Variants in CMIP observed in about 807,000 individuals in gnomAD.
The protein encoded by CMIP is c-Maf inducing protein, also known as C-Maf-inducing protein.
In CMIP, 13 loss-of-function variants were observed where a neutral mutation model predicts 97.3. The ratio of observed to expected loss-of-function variants is 0.13; its 90% CI spans 0.09 to 0.21. The LOEUF (loss-of-function observed/expected upper bound fraction) is 0.21, where lower values mean the gene tolerates loss of function less well. Ranked by LOEUF, CMIP falls within the 10% of genes least tolerant of loss-of-function variation. CMIP has a pLI of 1.00. For synonymous variants in CMIP, 538 were observed against 436.3 expected (o/e 1.23, Z -2.91); for missense variants, 847 against 1,024.9 (o/e 0.83, Z 2.37).
intron 3 of CMIP, among the ~76,000 whole-genome samples, chr16:81,651,593 G>T (rs1055424501): frequency 4.6e-5 from 7 of 152,178 alleles, no homozygotes; most frequent in Admixed American, 4.6e-4. Context: ...CGACCTCTTG[G>T]GATTGACATA....
At position 81,459,393 on chromosome 16, in the gene CMIP, C is replaced by T. The variant is rs561589443; in HGVS notation, c.300+13852C>T. Among the ~76,000 whole-genome samples, 33 of 152,204 alleles carry T rather than the reference C, an allele frequency of 2.2e-4. No individual in the cohort carries two copies. In the South Asian group the frequency reaches 6.2e-3, roughly 29 times the overall value. On this transcript the variant is annotated intron_variant, in intron 1 of 20. Coordinates refer to ENST00000537098, the MANE Select transcript of CMIP (RefSeq NM_198390.3). The stretch of plus-strand genomic sequence containing the variant: ...GTGACCCCGTGCCGTGACCCTGCTC[C>T]GTGACCTCGCTCCGTGACCTCAGGC...
chr16:81,457,175 C>T (rs1381035937), intron 1 of CMIP, among the ~76,000 whole-genome samples: 1 of 142,412 alleles, frequency 7.0e-6, no homozygotes, highest in Non-Finnish European at 1.5e-5. Flanking sequence ...ACCCCTCCGA[C>T]CCCCCCGCCA....
intron 2 of CMIP, 64 bp from the exon 3 acceptor site, chr16:81,620,812 T>A: frequency 6.2e-7 from 1 of 1,601,382 alleles, no homozygotes; most frequent in Non-Finnish European, 8.5e-7. Context: ...ATGCTGGCCT[T>A]GAAATGCCCT....
At position 81,702,602 on chromosome 16, in the gene CMIP, C is replaced by T. The variant is rs1288342751; in HGVS notation, c.1897-20C>T. 4 of 1,611,648 alleles carry T rather than the reference C, an allele frequency of 2.5e-6. No homozygotes were observed. The highest frequency in any genetic ancestry group is 3.3e-5 in the Admixed American group (2 of 59,742). On this transcript the variant is annotated intron_variant, in intron 16 of 20. Transcript: ENST00000537098. The stretch of plus-strand genomic sequence containing the variant: ...ACTTGGGGAAAAGAATGGTTGTAAC[C>T]AGCCTGGTTTCTGTTGCAGCAAAGG...
At chr16:81,585,843 C>A (rs1322532614) in intron 1 of CMIP, among the ~76,000 whole-genome samples, 2 of 152,136 alleles carry the variant, frequency 1.3e-5, no homozygotes, top group Non-Finnish European at 2.9e-5. Flanking sequence ...CGGCTGTGAG[C>A]AGAGTTAGTG....
At chr16:81,574,040 T>C (rs1207498637) in intron 1 of CMIP, among the ~76,000 whole-genome samples, 1 of 152,222 alleles carries the variant, frequency 6.6e-6, no homozygotes, top group Non-Finnish European at 1.5e-5. Context: ...ACTAGCCACG[T>C]GTGCCTGTTC....
chr16:81,478,190 C>G (rs1161818591), intron 1 of CMIP, among the ~76,000 whole-genome samples: 1 of 152,198 alleles, frequency 6.6e-6, no homozygotes, highest in Admixed American at 6.5e-5. Context: ...CAGGGAGACA[C>G]ATTGCGTGGG....
At chr16:81,450,080 C>G (rs374381441) in intron 1 of CMIP, among the ~76,000 whole-genome samples, 14 of 152,242 alleles carry the variant, frequency 9.2e-5, no homozygotes, top group South Asian at 2.1e-4. Context: ...AGTGTCTCAT[C>G]GGGCAGTGAG....
chr16:81,454,517 A>G (rs1015642440), intron 1 of CMIP, among the ~76,000 whole-genome samples: 2 of 152,252 alleles, frequency 1.3e-5, no homozygotes, highest in African/African-American at 4.8e-5. Context: ...TTTGTCAAAA[A>G]AGTTAAGGGA....
Position 81,570,174 on chromosome 16 carries a change from T to C in CMIP, c.301-37393T>C, listed in dbSNP as rs187593282. The stretch of plus-strand genomic sequence containing the variant: ...TTGAGCCAAGGACAGCTGTAGTTTT[T>C]TTGTGTTTTTTAGAAATTTCCACTT... On this transcript the variant is annotated intron_variant, in intron 1 of 20. Coordinates refer to ENST00000537098, the MANE Select transcript of CMIP (RefSeq NM_198390.3). Among the ~76,000 whole-genome samples the C allele has an allele frequency of 3.9e-5, 6 of 152,306 alleles. No individual in the cohort carries two copies. In the East Asian group the frequency reaches 1.2e-3, roughly 29 times the overall value.
intron 1 of CMIP, among the ~76,000 whole-genome samples, chr16:81,547,714 G>C (rs1433491607): frequency 4.6e-5 from 7 of 152,200 alleles, no homozygotes; most frequent in African/African-American, 1.7e-4. Flanking sequence ...AAACACTTCA[G>C]GAAATGGCCC....
chr16:81,447,017 C>A lies in CMIP; in HGVS notation c.300+1476C>A, dbSNP rs547143153. On this transcript the variant is annotated intron_variant, in intron 1 of 20. Coordinates refer to ENST00000537098, the MANE Select transcript of CMIP (RefSeq NM_198390.3). ...GGTCGCGGGGAGGCGGCCCAGTCCCCGGTCAGGCTGGTGCATGTTCTCAAG... is the reference window on the plus strand; with the variant it reads ...GGTCGCGGGGAGGCGGCCCAGTCCCAGGTCAGGCTGGTGCATGTTCTCAAG... Among the ~76,000 whole-genome samples, 30 of 152,306 alleles carry A rather than the reference C, an allele frequency of 2.0e-4. No individual in the cohort carries two copies. In the East Asian group the frequency reaches 4.6e-3, roughly 24 times the overall value.
chr16:81,528,278 C>CT (rs922542464), intron 1 of CMIP, among the ~76,000 whole-genome samples: 22 of 149,928 alleles, frequency 1.5e-4, no homozygotes, highest in East Asian at 3.9e-4. Flanking sequence ...GGAGTGAAGA[C>CT]TTTTTTTTTT....
chr16:81,579,938 C>T (rs1289203106), intron 1 of CMIP, among the ~76,000 whole-genome samples: 1 of 152,034 alleles, frequency 6.6e-6, no homozygotes, highest in Admixed American at 6.6e-5. Flanking sequence ...CCCGCCTGGG[C>T]GACAGTGCGA....
intron 1 of CMIP, among the ~76,000 whole-genome samples, chr16:81,604,320 C>T (rs192997166): frequency 7.4e-5 from 11 of 148,578 alleles, no homozygotes; most frequent in South Asian, 4.3e-4. Context: ...CGCTTGAACC[C>T]GAGTGGCGGA....
intron 2 of CMIP, among the ~76,000 whole-genome samples, chr16:81,618,104 A>G (rs1039164174): frequency 1.1e-4 from 16 of 152,160 alleles, no homozygotes; most frequent in African/African-American, 3.1e-4. Flanking sequence ...TTTATTTCCT[A>G]TTGCTGCTGT....
intron 10 of CMIP, among the ~76,000 whole-genome samples, chr16:81,685,348 G>A (rs1427183245): frequency 6.6e-6 from 1 of 152,160 alleles, no homozygotes; most frequent in Non-Finnish European, 1.5e-5. Context: ...TGAGCACCTG[G>A]GAGTACAGGC....
At chr16:81,641,119 C>T (rs2092301974) in intron 3 of CMIP, among the ~76,000 whole-genome samples, 1 of 152,186 alleles carries the variant, frequency 6.6e-6, no homozygotes, top group Admixed American at 6.5e-5. Flanking sequence ...CCTCGCCCAG[C>T]TCTGCTGAGC....
rs545721997 is a variant in CMIP, at chr16:81,699,126, G to A, written c.1639-559G>A. On this transcript the variant is annotated intron_variant, in intron 14 of 20. Transcript: ENST00000537098. ...AAATTAGCCAGGTATGGTGGTGCAT[G>A]CCTGTAATCCTAGCTTACTAGGGAG... is the stretch of plus-strand genomic sequence containing the variant. Among the ~76,000 whole-genome samples the A allele has an allele frequency of 2.6e-5, 4 of 152,260 alleles. No individual in the cohort carries two copies. In the East Asian group the frequency reaches 7.7e-4, roughly 29 times the overall value.
Sources: gnomAD v4.1 joint callset for allele counts (sites outside exome capture counted in the v4.1 genomes callset) on GRCh38, gnomAD v4.1.1 for gene constraint, MANE v1.5 for transcripts, NCBI Gene and HGNC (gene_info 2026-07-23, HGNC 2026-07-21) for gene names.